FAM78B: variants seen among roughly 807,000 people sequenced by gnomAD.
FAM78B encodes the protein family with sequence similarity 78 member B.
A neutral mutation model predicts 20.0 loss-of-function variants in FAM78B; 10 were observed. The observed-to-expected ratio is 0.50, with a 90% CI of 0.31 to 0.85. The LOEUF (loss-of-function observed/expected upper bound fraction) is 0.85, where lower values mean the gene tolerates loss of function less well. Among genes scored for constraint, FAM78B ranks in the 40% least tolerant of loss-of-function variants. The probability of loss-of-function intolerance (pLI) is 0.05; values close to 1 mark genes in which losing one functional copy is unlikely to be tolerated. For missense variants in FAM78B, 283 were observed against 345.0 expected (o/e 0.82, Z 1.42); for synonymous variants, 135 against 132.8 (o/e 1.02, Z -0.12).
chr1:166,074,012 G>A (rs1359458257), intron 1 of FAM78B, among the ~76,000 whole-genome samples: 1 of 152,128 alleles, frequency 6.6e-6, no homozygotes, highest in Non-Finnish European at 1.5e-5. Context: ...TGGTCTACTG[G>A]AATGGCGCAT....
chr1:166,145,919 T>C lies in FAM78B; in HGVS notation c.263+20067A>G, dbSNP rs562828741. ...AATAAATATATTAAGGGGTAAGTTA[T>C]TGGTCTAAAATTCTCTTTTTTTTAT... On this transcript the variant is annotated intron_variant, in intron 1 of 1. Coordinates refer to ENST00000354422, the MANE Select transcript of FAM78B (RefSeq NM_001017961.5). Among the ~76,000 whole-genome samples the C allele has an allele frequency of 3.3e-5, 5 of 152,348 alleles. 1 individual carries two copies. In the South Asian group the frequency reaches 1.0e-3, roughly 32 times the overall value.
chr1:166,141,207 T>A (rs769133167), intron 1 of FAM78B, among the ~76,000 whole-genome samples: 1 of 152,200 alleles, frequency 6.6e-6, no homozygotes, highest in Non-Finnish European at 1.5e-5. Context: ...GACAGCAATG[T>A]GCAACGTACA....
intron 1 of FAM78B, among the ~76,000 whole-genome samples, chr1:166,074,144 T>C (rs1652165377): frequency 1.3e-5 from 2 of 152,228 alleles, no homozygotes; most frequent in Non-Finnish European, 1.5e-5. Context: ...AAGGCTTTTC[T>C]ATATGGACAT....
intron 1 of FAM78B, among the ~76,000 whole-genome samples, chr1:166,120,383 T>G (rs1364618146): frequency 6.6e-6 from 1 of 152,194 alleles, no homozygotes; most frequent in Non-Finnish European, 1.5e-5. Flanking sequence ...CTGGAGGCTT[T>G]CTTTCATCAC....
At chr1:166,161,734 T>C (rs1656153907) in intron 1 of FAM78B, among the ~76,000 whole-genome samples, 2 of 152,130 alleles carry the variant, frequency 1.3e-5, no homozygotes, top group African/African-American at 2.4e-5. Context: ...ATACAGATGG[T>C]TTCGCTTGAG....
chr1:166,159,277 T>C (rs1037247107), intron 1 of FAM78B, among the ~76,000 whole-genome samples: 1 of 152,014 alleles, frequency 6.6e-6, no homozygotes, highest in African/African-American at 2.4e-5. Context: ...TCAGAAGACA[T>C]GGCTTGCAGT....
downstream of FAM78B, among the ~76,000 whole-genome samples, chr1:166,068,074 T>C (rs1396418953): frequency 6.6e-6 from 1 of 152,250 alleles, no homozygotes; most frequent in East Asian, 1.9e-4. Context: ...ATGTAAATTC[T>C]AATTAATCTG....
downstream of FAM78B, among the ~76,000 whole-genome samples, chr1:166,057,147 C>T (rs1651377625): frequency 6.6e-6 from 1 of 152,184 alleles, no homozygotes; most frequent in Non-Finnish European, 1.5e-5. Flanking sequence ...GTTATAGCAG[C>T]CCCAAAAGAC....
exon 3 of FAM78B, chr1:166,060,384 C>G: frequency 2.8e-6 from 1 of 360,380 alleles, no homozygotes; most frequent in East Asian, 7.6e-5. Context: ...CAAAAAGATA[C>G]AGCAGGCACA....
At chr1:166,084,067 C>A (rs548398795) in intron 1 of FAM78B, among the ~76,000 whole-genome samples, 3 of 152,008 alleles carry the variant, frequency 2.0e-5, no homozygotes, top group East Asian at 1.9e-4. Context: ...AATAAGGACA[C>A]TGAAGTAGAG....
At chr1:166,084,635 A>AG (rs1367516339) in intron 1 of FAM78B, among the ~76,000 whole-genome samples, 2 of 152,226 alleles carry the variant, frequency 1.3e-5, no homozygotes, top group Admixed American at 1.3e-4. Flanking sequence ...TAAGGCTCCC[A>AG]GGGATTCAGA....
chr1:166,117,158 C>T (rs1339566932), intron 1 of FAM78B, among the ~76,000 whole-genome samples: 1 of 152,082 alleles, frequency 6.6e-6, no homozygotes, highest in Non-Finnish European at 1.5e-5. Flanking sequence ...GCTGTTTTCC[C>T]CCTTAGTTTA....
chr1:166,166,135 C>A lies in FAM78B; in HGVS notation c.114G>T (p.Ser38=). Residue 38 remains serine (S), a synonymous_variant, in exon 1 of 2, where the codon TCG becomes TCT. Transcript: ENST00000354422. ...DQCPTRIEET[S]PIVLRYKTPY... ...GGGTCTTGTAGCGCAGGACGATGGGCGAGGTCTCCTCGATGCGCGTGGGGC... is the reference window on the plus strand; with the variant it reads ...GGGTCTTGTAGCGCAGGACGATGGGAGAGGTCTCCTCGATGCGCGTGGGGC... The A allele has an allele frequency of 6.2e-7, 1 of 1,609,338 alleles. No individual in the cohort carries two copies. The highest frequency in any genetic ancestry group is 1.1e-5 in the South Asian group (1 of 90,442).
rs764646808 is a variant in FAM78B at position 166,166,071 on chromosome 1, T to C, written c.178A>G (p.Ile60Val). The change falls in exon 1 of 2, where the codon ATC (isoleucine) becomes GTC (valine). Residue 60 changes from isoleucine to valine, a missense_variant. By Grantham distance (29) the Ile-to-Val change is conservative. Transcript: ENST00000354422. ...ACCACCCAGGTCTCGTGGCGGGGGA[T>C]GGGGGGCATGACCACGCGGGCGGAG... ...KASARVVMPP[I>V]PRHETWVVGW... The C allele has an allele frequency of 5.6e-6, 9 of 1,613,298 alleles. No homozygotes were observed. In the South Asian group the frequency reaches 9.9e-5, roughly 18 times the overall value.
At chr1:166,161,157 C>T (rs894533148) in intron 1 of FAM78B, among the ~76,000 whole-genome samples, 45 of 145,444 alleles carry the variant, frequency 3.1e-4, no homozygotes, top group African/African-American at 6.3e-4. Context: ...GATTTTCTTT[C>T]TTTTTTTTTT....
At chr1:166,100,831 T>C (rs1367676796) in intron 1 of FAM78B, among the ~76,000 whole-genome samples, 3 of 152,204 alleles carry the variant, frequency 2.0e-5, no homozygotes, top group Admixed American at 6.5e-5. Context: ...GTCTGACAGA[T>C]TGGAAGACAG....
At chr1:166,072,162 A>G (rs1235659207) in intron 1 of FAM78B, among the ~76,000 whole-genome samples, 1 of 152,162 alleles carries the variant, frequency 6.6e-6, no homozygotes, top group Non-Finnish European at 1.5e-5. Flanking sequence ...AGGGAATTGC[A>G]TTGTCAAGCT....
In FAM78B at chr1:166,069,898, G is replaced by A; in HGVS notation, c.*343C>T. On this transcript the variant is annotated 3_prime_UTR_variant, in exon 2 of 2. Coordinates refer to ENST00000354422, the MANE Select transcript of FAM78B (RefSeq NM_001017961.5). ...GGAAGCAGCATTTGCCACAGGCACT[G>A]TTTAATTTCGTTTCCATCCCCTGCA... 1 of 845,988 alleles carries A rather than the reference G, an allele frequency of 1.2e-6. No homozygotes were observed. Among genetic ancestry groups the A allele is most frequent in the Non-Finnish European group, 1.4e-6 (1 of 693,924 alleles). The allele number at this position is 845,988 out of a possible 1,614,324, so 52.4% of individuals were successfully genotyped here. A position where few individuals can be genotyped will look rare whatever the true frequency, so the allele number is the denominator to read the frequency against.
intron 1 of FAM78B, among the ~76,000 whole-genome samples, chr1:166,082,994 C>T (rs1652642094): frequency 6.6e-6 from 1 of 152,130 alleles, no homozygotes; most frequent in Non-Finnish European, 1.5e-5. Flanking sequence ...CATGGGGGTG[C>T]AACACACATT....
Sources: allele counts gnomAD v4.1 joint callset (sites outside exome capture counted in the v4.1 genomes callset), GRCh38; gene constraint gnomAD v4.1.1; transcripts MANE v1.5; gene names NCBI Gene and HGNC (gene_info 2026-07-23, HGNC 2026-07-21).